RCL1: variants seen among roughly 807,000 people sequenced by gnomAD.
The protein encoded by RCL1 is RNA terminal phosphate cyclase like 1, also known as RNA 3'-terminal phosphate cyclase-like protein.
RCL1 carries 24 observed loss-of-function variants against 42.4 expected under a neutral mutation model. The observed-to-expected ratio is 0.57, with a 90% CI of 0.41 to 0.80. The LOEUF (loss-of-function observed/expected upper bound fraction) is 0.80, where lower values mean the gene tolerates loss of function less well. RCL1 is among the 30% of genes least tolerant of loss of function. The probability of loss-of-function intolerance (pLI) is 0.00; values close to 1 mark genes in which losing one functional copy is unlikely to be tolerated. For synonymous variants in RCL1, 228 were observed against 177.3 expected (o/e 1.29, Z -2.27); for missense variants, 578 against 467.9 (o/e 1.24, Z -2.17).
chr9:4,803,489 C>G (rs1353860561), intron 1 of RCL1, among the ~76,000 whole-genome samples: 2 of 152,112 alleles, frequency 1.3e-5, no homozygotes, highest in African/African-American at 2.4e-5. Context: ...ACCCTTATAT[C>G]CACAACTTCC....
intron 5 of RCL1, among the ~76,000 whole-genome samples, chr9:4,837,523 G>A (rs1026126193): frequency 8.5e-5 from 13 of 152,064 alleles, no homozygotes; most frequent in Admixed American, 5.2e-4. Context: ...TTGGAATCCA[G>A]TCTCTGTAGT....
intron 4 of RCL1, 27 bp from the exon 5 acceptor site, chr9:4,834,114 G>C: frequency 6.2e-7 from 1 of 1,606,002 alleles, no homozygotes; most frequent in Non-Finnish European, 8.5e-7. Flanking sequence ...CTGCATCCTC[G>C]CCTCATCTTT....
At chr9:4,824,247 C>G (rs1365018597) in intron 2 of RCL1, among the ~76,000 whole-genome samples, 2 of 152,112 alleles carry the variant, frequency 1.3e-5, no homozygotes, top group Admixed American at 6.6e-5. Flanking sequence ...GTGAACATCC[C>G]TTCACCTCTT....
At chr9:4,833,933 A>G (rs1047289089) in intron 4 of RCL1, among the ~76,000 whole-genome samples, 1 of 152,316 alleles carries the variant, frequency 6.6e-6, no homozygotes, top group South Asian at 2.1e-4. Flanking sequence ...CACTTGGGTA[A>G]TCGACTTGGA....
chr9:4,824,222 G>GT (rs1816685019), intron 2 of RCL1, among the ~76,000 whole-genome samples: 1 of 152,112 alleles, frequency 6.6e-6, no homozygotes, highest in South Asian at 2.1e-4. Context: ...GTTTACACAA[G>GT]TATATGCAAA....
chr9:4,843,320 C>T (rs1015018097), intron 6 of RCL1, among the ~76,000 whole-genome samples: 4 of 152,100 alleles, frequency 2.6e-5, no homozygotes, highest in African/African-American at 7.2e-5. Context: ...CCTATGTCAG[C>T]GCTTTGGCCA....
intron 6 of RCL1, among the ~76,000 whole-genome samples, chr9:4,842,837 G>C (rs571747526): frequency 2.0e-5 from 3 of 152,184 alleles, no homozygotes; most frequent in Non-Finnish European, 1.5e-5. Context: ...GCTTCATCTC[G>C]ATAGTCCCTT....
At position 4,833,153 on chromosome 9, in the gene RCL1, G is replaced by C. The variant is rs748316360; in HGVS notation, c.385-1G>C. 1 of 1,605,902 alleles carries C rather than the reference G, an allele frequency of 6.2e-7. No homozygotes were observed. The highest frequency in any genetic ancestry group is 8.5e-7 in the Non-Finnish European group (1 of 1,172,568). On this transcript the variant is annotated splice_acceptor_variant, in intron 3 of 8. Transcript: ENST00000381750. LOFTEE classifies it high-confidence loss of function. ...TTTTCTTTTCTGAAATAATTTCATAGGTTGATGTTCTTAAGGCAACAGCAC... is the reference window on the plus strand; with the variant it reads ...TTTTCTTTTCTGAAATAATTTCATACGTTGATGTTCTTAAGGCAACAGCAC...
chr9:4,828,079 G>C (rs1251558739), intron 3 of RCL1, among the ~76,000 whole-genome samples: 1 of 151,662 alleles, frequency 6.6e-6, no homozygotes, highest in Non-Finnish European at 1.5e-5. Flanking sequence ...CCAGCTACTC[G>C]GGAGACTGAG....
chr9:4,851,635 C>T (rs1482569626), intron 8 of RCL1, among the ~76,000 whole-genome samples: 1 of 151,636 alleles, frequency 6.6e-6, no homozygotes, highest in African/African-American at 2.4e-5. Context: ...CTTTGGAGAC[C>T]AAACTAACAC....
intron 7 of RCL1, among the ~76,000 whole-genome samples, chr9:4,846,624 A>T (rs1346491747): frequency 1.3e-5 from 2 of 152,058 alleles, no homozygotes; most frequent in African/African-American, 4.8e-5. Context: ...GTTGTGCAGG[A>T]TTTCTTTTCC....
At chr9:4,847,925 G>A (rs1817577275) in intron 7 of RCL1, among the ~76,000 whole-genome samples, 2 of 152,158 alleles carry the variant, frequency 1.3e-5, no homozygotes. Context: ...AAGTAGTCCT[G>A]AGTCCTAAAG....
chr9:4,813,118 G>C (rs1450560682), intron 1 of RCL1, among the ~76,000 whole-genome samples: 7 of 152,138 alleles, frequency 4.6e-5, no homozygotes, highest in Non-Finnish European at 7.4e-5. Context: ...TGTTCAGTAG[G>C]AGTGGTGATA....
chr9:4,853,718 C>G (rs1274454403), intron 8 of RCL1, among the ~76,000 whole-genome samples: 1 of 152,194 alleles, frequency 6.6e-6, no homozygotes, highest in Non-Finnish European at 1.5e-5. Flanking sequence ...ATCTTTTCAG[C>G]AAAGTCCTCG....
chr9:4,840,658 C>A (rs1203054588), intron 5 of RCL1, among the ~76,000 whole-genome samples: 1 of 152,070 alleles, frequency 6.6e-6, no homozygotes, highest in Non-Finnish European at 1.5e-5. Flanking sequence ...AGAAAATAGG[C>A]CCTGTAAATG....
At chr9:4,839,770 G>T in intron 5 of RCL1, 1 of 966,814 alleles carries the variant, frequency 1.0e-6, no homozygotes. Flanking sequence ...AGTTGGGAGG[G>T]ATTACAGAGG....
chr9:4,826,767 G>C, intron 2 of RCL1, 91 bp from the exon 3 acceptor site: 1 of 1,167,226 alleles, frequency 8.6e-7, no homozygotes. Flanking sequence ...GCCCTTGTCA[G>C]GCTTTCCCCT....
chr9:4,860,152 C>G lies in RCL1; in HGVS notation c.999C>G (p.Ser333Arg). 6.2e-7 allele frequency: 1 copy of G among 1,600,272 alleles called. No homozygotes were observed. The highest frequency in any genetic ancestry group is 1.7e-4 in the Middle Eastern group (1 of 6,026). ...YTIEFLRHLK[S>R]FFQIMFKIET... ...TAGAATTTTTGCGGCATTTGAAGAG[C>G]TTTTTCCAGATTATGTTTAAAATTG... The change falls in exon 9 of 9, where the codon AGC becomes AGG. Residue 333 changes from serine (S) to arginine (R), a missense_variant. By Grantham distance (110) the Ser-to-Arg change is moderately radical (BLOSUM62 -1). Transcript: ENST00000381750.
At chr9:4,848,015 C>T (rs976289535) in intron 7 of RCL1, among the ~76,000 whole-genome samples, 1 of 152,196 alleles carries the variant, frequency 6.6e-6, no homozygotes, top group South Asian at 2.1e-4. Context: ...TCCATGATGT[C>T]CTGTACAGGG....
Sources: allele counts gnomAD v4.1 joint callset (sites outside exome capture counted in the v4.1 genomes callset), GRCh38; gene constraint gnomAD v4.1.1; transcripts MANE v1.5; gene names NCBI Gene and HGNC (gene_info 2026-07-23, HGNC 2026-07-21).